CSPP1: variants seen among roughly 807,000 people sequenced by gnomAD.
CSPP1 encodes centrosome and spindle pole associated protein 1, also known as centrosome and spindle pole-associated protein 1.
Under a neutral mutation model 164.4 loss-of-function variants are expected in CSPP1, and 126 were observed. The ratio of observed to expected loss-of-function variants is 0.77; its 90% CI spans 0.66 to 0.89. CSPP1 has a LOEUF of 0.89. Ranked by LOEUF, CSPP1 falls within the 40% of genes least tolerant of loss-of-function variation. CSPP1 has a pLI of 0.00. For missense variants in CSPP1, 1,395 were observed against 1,449.8 expected (o/e 0.96, Z 0.61); for synonymous variants, 472 against 476.7 (o/e 0.99, Z 0.13).
At chr8:67,162,537 A>T (rs1828566295) in intron 22 of CSPP1, among the ~76,000 whole-genome samples, 1 of 152,176 alleles carries the variant, frequency 6.6e-6, no homozygotes, top group South Asian at 2.1e-4. Context: ...CCACCCTTTG[A>T]GATTCTGATT....
chr8:67,096,898 A>G (rs2129545808), intron 7 of CSPP1, among the ~76,000 whole-genome samples: 1 of 152,124 alleles, frequency 6.6e-6, no homozygotes, highest in East Asian at 1.9e-4. Flanking sequence ...AATAAAATAA[A>G]ACGTGTGAAA....
In CSPP1 at chr8:67,087,813, T is replaced by C. The variant is rs535087830; in HGVS notation, c.303+1703T>C. ...GAGCATCATACTTTCTTAAATAGCT[T>C]GTGAAGAGCATGGTAACTGTGTTTT... On this transcript the variant is annotated intron_variant, in intron 4 of 30. Transcript: ENST00000678616. Among the ~76,000 whole-genome samples the C allele has an allele frequency of 3.3e-5, 5 of 152,320 alleles. No homozygotes were observed. In the South Asian group the frequency reaches 1.0e-3, roughly 32 times the overall value.
intron 28 of CSPP1, among the ~76,000 whole-genome samples, chr8:67,184,941 T>TA (rs1834077276): frequency 4.5e-5 from 1 of 22,328 alleles, no homozygotes; most frequent in Non-Finnish European, 9.2e-5. Context: ...CTACTAAAAA[T>TA]ACAAAAAAAA....
intron 21 of CSPP1, among the ~76,000 whole-genome samples, chr8:67,160,707 T>A (rs1203263819): frequency 1.3e-5 from 2 of 151,940 alleles, no homozygotes; most frequent in East Asian, 1.9e-4. Context: ...ATATATATAT[T>A]TTTGTCTATT....
chr8:67,087,220 T>A (rs544083026), intron 4 of CSPP1, among the ~76,000 whole-genome samples: 1 of 152,212 alleles, frequency 6.6e-6, no homozygotes, highest in African/African-American at 2.4e-5. Context: ...CCAAGATATT[T>A]GAACTACATG....
chr8:67,074,793 T>C (rs1807554804), intron 2 of CSPP1: 1 of 315,548 alleles, frequency 3.2e-6, no homozygotes, highest in East Asian at 1.3e-4. Context: ...TTGCTTTTTT[T>C]TTTTTGAGAT....
At chr8:67,148,013 G>A (rs1365289594) in intron 17 of CSPP1, among the ~76,000 whole-genome samples, 3 of 148,976 alleles carry the variant, frequency 2.0e-5, no homozygotes, top group Admixed American at 6.7e-5. Flanking sequence ...GCACCCCCCC[G>A]GCTTAAGTGA....
At position 67,118,300 on chromosome 8, in the gene CSPP1, C is replaced by T. The variant is rs756752153; in HGVS notation, c.1549C>T (p.Arg517Ter). 6 of 1,613,310 alleles carry T rather than the reference C, an allele frequency of 3.7e-6. No homozygotes were observed. Among genetic ancestry groups the T allele is most frequent in the South Asian group, 3.3e-5 (3 of 91,044 alleles). Residue 517 changes from arginine (R) to a stop codon, truncating the protein, a stop_gained, in exon 14 of 31, where the codon CGA (arginine) becomes TGA (stop). Coordinates refer to ENST00000678616, the MANE Select transcript of CSPP1 (RefSeq NM_001382391.1). LOFTEE classifies it high-confidence loss of function. The part of the protein sequence containing the change: ...PLLPPLATNY[R>*]TPYDDAYYFY... Reference sequence around the variant, plus strand: ...ACTACCACCTTTGGCTACTAACTATCGAACTCCTTATGATGATGCATACTA... The same window carrying T: ...ACTACCACCTTTGGCTACTAACTATTGAACTCCTTATGATGATGCATACTA...
intron 7 of CSPP1, among the ~76,000 whole-genome samples, chr8:67,096,435 C>T (rs1229906056): frequency 6.6e-6 from 1 of 152,064 alleles, no homozygotes; most frequent in Non-Finnish European, 1.5e-5. Flanking sequence ...CATGGAGGTG[C>T]GCATCTGTAA....
chr8:67,091,679 A>G, intron 4 of CSPP1, 124 bp from the exon 5 acceptor site: 1 of 288,792 alleles, frequency 3.5e-6, no homozygotes, highest in South Asian at 3.3e-5. Flanking sequence ...TCTTCATTCC[A>G]TTTCATTCAT....
Position 67,195,795 on chromosome 8 carries a change from G to GATT in CSPP1, c.*206_*208dup. ...TTGATTTATATAATAGAATTGTATA[G>GATT]ATTATTTTTGCACAGTTTTGTCATA... On this transcript the variant is annotated 3_prime_UTR_variant, in exon 31 of 31. Transcript: ENST00000678616. The GATT allele has an allele frequency of 3.7e-6, 2 of 535,588 alleles. No individual in the cohort carries two copies. The highest frequency in any genetic ancestry group is 6.7e-6 in the Non-Finnish European group (2 of 299,464). The allele number at this position is 535,588 out of a possible 1,614,324, so 33.2% of individuals were successfully genotyped here.
At chr8:67,153,874 G>C in intron 18 of CSPP1, 150 bp from the exon 19 acceptor site, 7 of 513,560 alleles carry the variant, frequency 1.4e-5, no homozygotes, top group Non-Finnish European at 2.0e-5. Flanking sequence ...CTGATCTTCA[G>C]ATTCTAATCT....
At chr8:67,070,347 C>T (rs1806467876) in intron 1 of CSPP1, among the ~76,000 whole-genome samples, 1 of 151,500 alleles carries the variant, frequency 6.6e-6, no homozygotes, top group Non-Finnish European at 1.5e-5. Context: ...CCTGTAATCT[C>T]AGCTACTCGG....
chr8:67,072,674 C>T (rs1807061589), intron 1 of CSPP1, among the ~76,000 whole-genome samples: 1 of 151,702 alleles, frequency 6.6e-6, no homozygotes, highest in African/African-American at 2.4e-5. Flanking sequence ...GCCTGGGCAA[C>T]GTAGTGAGAT....
rs745783375 is a variant in CSPP1, at chr8:67,118,303, A to T, written c.1552A>T (p.Thr518Ser). 12 of 1,613,002 alleles carry T rather than the reference A, an allele frequency of 7.4e-6. No individual in the cohort carries two copies. The highest frequency in any genetic ancestry group is 1.7e-6 in the Non-Finnish European group (2 of 1,179,360). The change falls in exon 14 of 31, where the codon ACT becomes TCT. Residue 518 changes from threonine to serine, a missense_variant. Transcript: ENST00000678616. ...ACCACCTTTGGCTACTAACTATCGA[A>T]CTCCTTATGATGATGCATACTATTT... ...LLPPLATNYRTPYDDAYYFYG... is the reference protein window; with the variant it reads ...LLPPLATNYRSPYDDAYYFYG...
At chr8:67,095,794 CTGT>C (rs1290385141) in intron 7 of CSPP1, 62 bp downstream of exon 7, 2 of 1,006,190 alleles carry the variant, frequency 2.0e-6, no homozygotes, top group African/African-American at 3.3e-5. Context: ...TTAATATTTG[CTGT>C]TGTTACTTTT....
intron 17 of CSPP1, among the ~76,000 whole-genome samples, chr8:67,140,073 T>G (rs913215673): frequency 2.0e-5 from 3 of 152,130 alleles, no homozygotes; most frequent in African/African-American, 7.2e-5. Flanking sequence ...CCCACTTTAA[T>G]TTATTTTAAT....
intron 3 of CSPP1, 126 bp downstream of exon 3, chr8:67,076,707 G>T (rs773531977): frequency 1.9e-6 from 1 of 525,356 alleles, no homozygotes; most frequent in Non-Finnish European, 3.3e-6. Flanking sequence ...GGAATCTTAC[G>T]TAAGTCAATA....
At chr8:67,163,587 G>C in intron 22 of CSPP1, 145 bp from the exon 23 acceptor site, 1 of 598,744 alleles carries the variant, frequency 1.7e-6, no homozygotes, top group Non-Finnish European at 3.0e-6. Context: ...TCTACCTTGG[G>C]TAGAGTATAG....
Sources: gnomAD v4.1 joint callset for allele counts (sites outside exome capture counted in the v4.1 genomes callset) on GRCh38, gnomAD v4.1.1 for gene constraint, MANE v1.5 for transcripts, NCBI Gene and HGNC (gene_info 2026-07-23, HGNC 2026-07-21) for gene names.